The following MYBPC1 variants were observed in gnomAD, a reference collection of about 807,000 sequenced individuals.
The protein encoded by MYBPC1 is myosin-binding protein C, slow-type.
In MYBPC1, 52 loss-of-function variants were observed where a neutral mutation model predicts 147.1. The observed-to-expected ratio is 0.35, with a 90% confidence interval of 0.28 to 0.45. The LOEUF is 0.45. MYBPC1 is among the 20% of genes least tolerant of loss of function. The pLI is 1.00. For missense variants in MYBPC1, 1,228 were observed against 1,440.3 expected (o/e 0.85, Z 2.39); for synonymous variants, 477 against 475.9 (o/e 1.00, Z -0.03).
At position 101,631,698 on chromosome 12, in the gene MYBPC1, A is replaced by T; in HGVS notation, c.417A>T (p.Glu139Asp). 6.2e-7 allele frequency: 1 copy of T among 1,614,190 alleles called. No homozygotes were observed. Among genetic ancestry groups the T allele is most frequent in the Non-Finnish European group, 8.5e-7 (1 of 1,180,036 alleles). Residue 139 changes from glutamate to aspartate, a missense_variant, in exon 7 of 32, where the codon GAA becomes GAT. Coordinates refer to ENST00000361466, the MANE Select transcript of MYBPC1 (RefSeq NM_002465.4). ...CCGGGAAGCACCTTCAGCTGAAGGAAACCTTTGAGAGGCACAGTCGGGTAA... is the reference window on the plus strand; with the variant it reads ...CCGGGAAGCACCTTCAGCTGAAGGATACCTTTGAGAGGCACAGTCGGGTAA... ...SKAGKHLQLKETFERHSRVYT... is the reference protein window; with the variant it reads ...SKAGKHLQLKDTFERHSRVYT...
intron 3 of MYBPC1, among the ~76,000 whole-genome samples, chr12:101,619,433 C>T (rs528011095): frequency 3.5e-4 from 54 of 152,188 alleles, no homozygotes; most frequent in African/African-American, 1.2e-3. Flanking sequence ...TGACATTGGC[C>T]CCCTCATCTT....
Position 101,631,730 on chromosome 12 carries a change from G to T in MYBPC1, c.438+11G>T. 6.2e-7 allele frequency: 1 copy of T among 1,613,902 alleles called. No homozygotes were observed. Among genetic ancestry groups the T allele is most frequent in the South Asian group, 1.1e-5 (1 of 90,958 alleles). ...GAGAGGCACAGTCGGGTAAGGCCCT[G>T]AACTCCCAGGACAGGCGCTCAGCTA... On this transcript the variant is annotated intron_variant, in intron 7 of 31. Coordinates refer to ENST00000361466, the MANE Select transcript of MYBPC1 (RefSeq NM_002465.4).
intron 23 of MYBPC1, 63 bp downstream of exon 23, chr12:101,667,962 A>C: frequency 6.4e-7 from 1 of 1,552,926 alleles, no homozygotes; most frequent in Non-Finnish European, 8.8e-7. Flanking sequence ...TTTTTCTTCA[A>C]ACTACTTTCT....
chr12:101,611,008 T>A (rs192079463), intron 1 of MYBPC1, among the ~76,000 whole-genome samples: 136 of 152,344 alleles, frequency 8.9e-4, no homozygotes, highest in African/African-American at 3.2e-3. Context: ...TTATAAGGAT[T>A]AATATGCACT....
chr12:101,604,264 C>A (rs1170201126), intron 1 of MYBPC1, among the ~76,000 whole-genome samples: 2 of 151,926 alleles, frequency 1.3e-5, no homozygotes, highest in Non-Finnish European at 2.9e-5. Flanking sequence ...ATGAAACTTG[C>A]ATAATTAGAA....
At chr12:101,677,028 A>G (rs888190712) in intron 26 of MYBPC1, among the ~76,000 whole-genome samples, 2 of 152,238 alleles carry the variant, frequency 1.3e-5, no homozygotes, top group African/African-American at 2.4e-5. Context: ...TACATAGTCA[A>G]TTGCAAATAA....
intron 1 of MYBPC1, among the ~76,000 whole-genome samples, chr12:101,605,650 C>T (rs1881846555): frequency 6.6e-6 from 1 of 152,134 alleles, no homozygotes; most frequent in Admixed American, 6.5e-5. Flanking sequence ...CACCTGAGGT[C>T]AGGAGTTTGA....
chr12:101,595,026 G>A lies in MYBPC1; in HGVS notation c.-45G>A, dbSNP rs746965307. 21 of 1,602,882 alleles carry A rather than the reference G, an allele frequency of 1.3e-5. No homozygotes were observed. The highest frequency in any genetic ancestry group is 1.7e-4 in the Middle Eastern group (1 of 6,058). ...CCTGTGGGGTTTCTGTCAACTAGTC[G>A]TGGAGGGAAGGAGACTCTTTAAAGA... is the stretch of plus-strand genomic sequence containing the variant. On this transcript the variant is annotated 5_prime_UTR_variant, in exon 1 of 32. The change creates a new upstream start codon in the 5' untranslated region. Transcript: ENST00000361466.
chr12:101,630,103 T>C (rs1034606808), intron 6 of MYBPC1, among the ~76,000 whole-genome samples: 1 of 152,204 alleles, frequency 6.6e-6, no homozygotes, highest in African/African-American at 2.4e-5. Flanking sequence ...TCTCTGGATT[T>C]ACCTATTTTG....
chr12:101,685,723 G>A lies in MYBPC1; in HGVS notation c.*161G>A, dbSNP rs1377190788. On this transcript the variant is annotated 3_prime_UTR_variant, in exon 32 of 32. Transcript: ENST00000361466. ...CTGTCTCTCTGCACTCTGCTGCTTT[G>A]AAATCTGGTTGAAATGAGAAAAAGC... 2 of 1,375,046 alleles carry A rather than the reference G, an allele frequency of 1.5e-6. No individual in the cohort carries two copies. The highest frequency in any genetic ancestry group is 2.0e-6 in the Non-Finnish European group (2 of 1,017,148). The allele number at this position is 1,375,046 out of a possible 1,614,324, so 85.2% of individuals were successfully genotyped here. A position where few individuals can be genotyped will look rare whatever the true frequency, so the allele number is the denominator to read the frequency against.
At chr12:101,605,074 T>C (rs1349414939) in intron 1 of MYBPC1, among the ~76,000 whole-genome samples, 1 of 152,126 alleles carries the variant, frequency 6.6e-6, no homozygotes, top group Non-Finnish European at 1.5e-5. Flanking sequence ...ACACAGAAAC[T>C]CTTAGTGCCT....
Position 101,677,778 on chromosome 12 carries a change from T to G in MYBPC1, c.3110-324T>G, listed in dbSNP as rs148686040. ...GAAACTAAATTCTATCCTTATCTTT[T>G]CTTTTCATCATAAACCACTCTTCTT... On this transcript the variant is annotated intron_variant, in intron 27 of 31. Transcript: ENST00000361466. Among the ~76,000 whole-genome samples, 3 of 152,360 alleles carry G rather than the reference T, an allele frequency of 2.0e-5. No homozygotes were observed. The East Asian group carries it at 5.8e-4, about 29-fold the overall frequency.
In MYBPC1 at chr12:101,632,141, AAG is replaced by A; in HGVS notation, c.556+8_556+9del. On this transcript the variant is annotated splice_donor_5th_base_variant and intron_variant, in intron 8 of 31. Transcript: ENST00000361466. ...TTCATTTGATCTTGAAGTGCACGGT[AAG>A]AGAGCCTTCTTGCCTAGATAAATGT... 6.3e-7 allele frequency: 1 copy of A among 1,591,302 alleles called. No individual in the cohort carries two copies.
chr12:101,678,307 C>T lies in MYBPC1; in HGVS notation c.3246+69C>T, dbSNP rs1045484781. 5.0e-6 allele frequency: 8 copies of T among 1,585,316 alleles called. No homozygotes were observed. In the African/African-American group the frequency reaches 5.4e-5, roughly 11 times the overall value. On this transcript the variant is annotated intron_variant, in intron 28 of 31. Transcript: ENST00000361466. ...ATTTGTTGTGTTATAATGTAAGTAA[C>T]AATGTAAACAAATCCAGCTGCTACT...
chr12:101,681,240 T>C (rs1318718012), intron 29 of MYBPC1, among the ~76,000 whole-genome samples: 1 of 151,974 alleles, frequency 6.6e-6, no homozygotes, highest in African/African-American at 2.4e-5. Flanking sequence ...TATGCTGATA[T>C]TTTTCTTTAC....
intron 3 of MYBPC1, among the ~76,000 whole-genome samples, chr12:101,618,010 A>AT (rs747982166): frequency 6.6e-6 from 1 of 152,160 alleles, no homozygotes; most frequent in African/African-American, 2.4e-5. Context: ...TTGTATTGTC[A>AT]TTTTAAAAGT....
Position 101,632,784 on chromosome 12 carries a change from T to C in MYBPC1, c.556+646T>C, listed in dbSNP as rs1890177113. ...TCACTCTGTTGCCCAGGCTAGAATC[T>C]AGTGGCACTGTCTTGGTTCACCACA... is the stretch of plus-strand genomic sequence containing the variant. On this transcript the variant is annotated intron_variant, in intron 8 of 31. Coordinates refer to ENST00000361466, the MANE Select transcript of MYBPC1 (RefSeq NM_002465.4). Among the ~76,000 whole-genome samples the C allele has an allele frequency of 2.6e-5, 4 of 152,212 alleles. No homozygotes were observed. The South Asian group carries it at 8.3e-4, about 32-fold the overall frequency.
chr12:101,599,484 A>G (rs1329430954), intron 1 of MYBPC1, among the ~76,000 whole-genome samples: 2 of 152,178 alleles, frequency 1.3e-5, no homozygotes, highest in Non-Finnish European at 2.9e-5. Context: ...GGGCTTAGTC[A>G]TCCATCAGAA....
At chr12:101,627,556 T>G (rs1217609378) in intron 4 of MYBPC1, among the ~76,000 whole-genome samples, 1 of 152,118 alleles carries the variant, frequency 6.6e-6, no homozygotes, top group African/African-American at 2.4e-5. Flanking sequence ...ATTTTTTAAT[T>G]TTTCTATCAT....
Sources: gnomAD v4.1 joint callset for allele counts (sites outside exome capture counted in the v4.1 genomes callset) on GRCh38, gnomAD v4.1.1 for gene constraint, MANE v1.5 for transcripts, NCBI Gene and HGNC (gene_info 2026-07-23, HGNC 2026-07-21) for gene names.